SIAH3: variants seen among roughly 807,000 people sequenced by gnomAD.
The protein encoded by SIAH3 is seven in absentia homolog 3.
SIAH3 carries 9 observed loss-of-function variants against 12.6 expected under a neutral mutation model. The ratio of observed to expected loss-of-function variants is 0.72; its 90% CI spans 0.43 to 1.25. The LOEUF is 1.25. Ranked by LOEUF, SIAH3 falls within the 50% of genes most tolerant of loss-of-function variation. SIAH3 has a pLI of 0.00. For missense variants in SIAH3, 390 were observed against 365.4 expected (o/e 1.07, Z -0.55); for synonymous variants, 154 against 151.1 (o/e 1.02, Z -0.14).
chr13:45,829,068 C>T (rs1299973678), intron 1 of SIAH3, among the ~76,000 whole-genome samples: 2 of 152,092 alleles, frequency 1.3e-5, no homozygotes, highest in Admixed American at 1.3e-4. Flanking sequence ...GCTGATTAAG[C>T]ACCAAGACCT....
chr13:45,843,744 C>G (rs1444373443), intron 1 of SIAH3, among the ~76,000 whole-genome samples: 3 of 152,194 alleles, frequency 2.0e-5, no homozygotes, highest in African/African-American at 7.2e-5. Context: ...ACAGCAAGCA[C>G]TAAAGCTTGC....
chr13:45,823,737 C>A (rs559194805), intron 1 of SIAH3, among the ~76,000 whole-genome samples: 3 of 152,324 alleles, frequency 2.0e-5, no homozygotes, highest in African/African-American at 7.2e-5. Flanking sequence ...GATGCAAAGG[C>A]CTTCAGGGCC....
intron 1 of SIAH3, among the ~76,000 whole-genome samples, chr13:45,786,654 G>A (rs769273198): frequency 2.6e-5 from 4 of 152,224 alleles, no homozygotes; most frequent in Non-Finnish European, 5.9e-5. Flanking sequence ...GTGTTACCTC[G>A]AGAGGGCATT....
intron 1 of SIAH3, among the ~76,000 whole-genome samples, chr13:45,790,737 G>T (rs887736325): frequency 6.6e-6 from 1 of 152,114 alleles, no homozygotes; most frequent in African/African-American, 2.4e-5. Context: ...TACCATTCAG[G>T]TGTGCCAGCC....
intron 1 of SIAH3, among the ~76,000 whole-genome samples, chr13:45,818,165 C>T (rs982575084): frequency 5.3e-5 from 8 of 152,156 alleles, no homozygotes; most frequent in African/African-American, 1.7e-4. Flanking sequence ...CCCACCTGCC[C>T]GCAGTGGTAA....
intron 1 of SIAH3, among the ~76,000 whole-genome samples, chr13:45,809,016 A>T (rs1950607592): frequency 6.6e-6 from 1 of 152,196 alleles, no homozygotes; most frequent in South Asian, 2.1e-4. Context: ...ACAGTGAATG[A>T]GTGGGCTTCC....
At position 45,780,336 on chromosome 13, in the gene SIAH3, A is replaced by G. The variant is rs1392190676; in HGVS notation, c.*3047T>C. ...CCAGGCTGGAGTTACAAGTGGTGCA[A>G]TCACAGCTCACTGTGACCTCAACCT... On this transcript the variant is annotated 3_prime_UTR_variant, in exon 2 of 2. Transcript: ENST00000400405. 1 of 151,882 alleles carries G rather than the reference A, an allele frequency of 6.6e-6. No individual in the cohort carries two copies. The highest frequency in any genetic ancestry group is 1.5e-5 in the Non-Finnish European group (1 of 68,074). 9.4% of individuals were successfully genotyped at this position (151,882 alleles called of 1,614,324 possible).
intron 1 of SIAH3, among the ~76,000 whole-genome samples, chr13:45,832,410 C>T (rs187783494): frequency 3.9e-5 from 6 of 152,270 alleles, no homozygotes; most frequent in East Asian, 1.9e-4. Context: ...ATGGACTTGC[C>T]TATTTGAGAA....
chr13:45,815,078 CCT>C (rs1950629638), intron 1 of SIAH3, among the ~76,000 whole-genome samples: 1 of 148,498 alleles, frequency 6.7e-6, no homozygotes, highest in Non-Finnish European at 1.5e-5. Flanking sequence ...ACCTAATAGA[CCT>C]TCATTTTTTT....
chr13:45,794,044 CAAG>C (rs1221310389), intron 1 of SIAH3, among the ~76,000 whole-genome samples: 1 of 151,606 alleles, frequency 6.6e-6, no homozygotes, highest in Non-Finnish European at 1.5e-5. Flanking sequence ...CTGGAAGAAG[CAAG>C]GAGGAATTCT....
intron 1 of SIAH3, among the ~76,000 whole-genome samples, chr13:45,806,059 C>A (rs544978947): frequency 2.0e-5 from 3 of 151,908 alleles, no homozygotes; most frequent in Admixed American, 6.6e-5. Flanking sequence ...ATTAAAAAGA[C>A]AAAAAATAAC....
At chr13:45,842,161 C>T (rs1950742376) in intron 1 of SIAH3, among the ~76,000 whole-genome samples, 1 of 152,170 alleles carries the variant, frequency 6.6e-6, no homozygotes, top group Non-Finnish European at 1.5e-5. Context: ...CTCTACCTTC[C>T]CCCTTCCCTC....
chr13:45,784,481 T>C (rs569388725), intron 1 of SIAH3, among the ~76,000 whole-genome samples: 2 of 151,896 alleles, frequency 1.3e-5, no homozygotes, highest in African/African-American at 2.4e-5. Context: ...ATTTTTTTTT[T>C]CTATTTTGTC....
At chr13:45,790,049 C>T (rs1351423909) in intron 1 of SIAH3, among the ~76,000 whole-genome samples, 1 of 152,132 alleles carries the variant, frequency 6.6e-6, no homozygotes, top group Non-Finnish European at 1.5e-5. Flanking sequence ...AAGCTGGTTC[C>T]CTAAATATCC....
At chr13:45,815,057 C>T (rs1323191192) in intron 1 of SIAH3, among the ~76,000 whole-genome samples, 2 of 151,660 alleles carry the variant, frequency 1.3e-5, no homozygotes, top group Admixed American at 6.6e-5. Flanking sequence ...ACTGCAATTA[C>T]TTCTGCACCA....
intron 1 of SIAH3, among the ~76,000 whole-genome samples, chr13:45,841,119 G>GTCAT (rs1326613737): frequency 6.6e-6 from 1 of 152,192 alleles, no homozygotes; most frequent in Non-Finnish European, 1.5e-5. Context: ...CCTAGTATAA[G>GTCAT]TCATTATACA....
intron 1 of SIAH3, among the ~76,000 whole-genome samples, chr13:45,831,727 G>A (rs182770403): frequency 1.3e-5 from 2 of 152,288 alleles, no homozygotes; most frequent in Admixed American, 6.5e-5. Context: ...TGAGAAAGAA[G>A]ATGGAACAGC....
chr13:45,822,245 T>A (rs1314798910), intron 1 of SIAH3, among the ~76,000 whole-genome samples: 1 of 152,068 alleles, frequency 6.6e-6, no homozygotes, highest in Non-Finnish European at 1.5e-5. Flanking sequence ...AACAGAAAAA[T>A]TGCTGTCTTT....
At chr13:45,831,122 T>C (rs913160103) in intron 1 of SIAH3, among the ~76,000 whole-genome samples, 21 of 151,782 alleles carry the variant, frequency 1.4e-4, no homozygotes, top group African/African-American at 4.8e-4. Flanking sequence ...GGGGTTGCAG[T>C]GAGCCGAGAT....
Sources: allele counts gnomAD v4.1 joint callset (sites outside exome capture counted in the v4.1 genomes callset), GRCh38; gene constraint gnomAD v4.1.1; transcripts MANE v1.5; gene names NCBI Gene and HGNC (gene_info 2026-07-23, HGNC 2026-07-21).